Variants in HPSE2 observed in about 807,000 individuals in gnomAD.
HPSE2 encodes the protein inactive heparanase-2.
Under a neutral mutation model 60.5 loss-of-function variants are expected in HPSE2, and 38 were observed. The ratio of observed to expected loss-of-function variants is 0.63; its 90% CI spans 0.48 to 0.82. HPSE2 has a LOEUF of 0.82. HPSE2 is among the 40% of genes least tolerant of loss of function. The pLI is 0.00. For missense variants in HPSE2, 713 were observed against 740.4 expected, an observed-to-expected ratio of 0.96 and a Z score of 0.43; for synonymous variants, 295 against 293.2, an observed-to-expected ratio of 1.01 and a Z score of -0.06.
chr10:98,929,019 T>TAAAC (rs1425343217), intron 3 of HPSE2, among the ~76,000 whole-genome samples: 1 of 141,892 alleles, frequency 7.0e-6, no homozygotes, highest in Non-Finnish European at 1.5e-5. Flanking sequence ...AATAAATAAA[T>TAAAC]ATTTTTTAGT....
intron 2 of HPSE2, among the ~76,000 whole-genome samples, chr10:99,153,344 A>G (rs1437757146): frequency 2.6e-5 from 4 of 152,214 alleles, no homozygotes; most frequent in Admixed American, 6.5e-5. Flanking sequence ...GCAGACTTAA[A>G]TGTCCCTGTC....
At position 98,750,544 on chromosome 10, in the gene HPSE2, G is replaced by A. The variant is rs79989610; in HGVS notation, c.611-6488C>T. ...GCAATAATTGAAGCAAGGGATCATT[G>A]TGGCTTGGACCAGGGTGGTAGCAGC... On this transcript the variant is annotated intron_variant, in intron 3 of 11. Coordinates refer to ENST00000370552, the MANE Select transcript of HPSE2 (RefSeq NM_021828.5). Among the ~76,000 whole-genome samples the A allele has an allele frequency of 4.2e-4, 64 of 152,300 alleles. No individual in the cohort carries two copies. In the East Asian group the frequency reaches 0.011, roughly 25 times the overall value.
At chr10:98,528,467 A>T (rs1943035799) in intron 9 of HPSE2, among the ~76,000 whole-genome samples, 1 of 152,204 alleles carries the variant, frequency 6.6e-6, no homozygotes. Context: ...TACAAAAAAA[A>T]AGCAGGAGAG....
chr10:98,883,868 A>G (rs1366566265), intron 3 of HPSE2, among the ~76,000 whole-genome samples: 3 of 152,144 alleles, frequency 2.0e-5, no homozygotes, highest in Non-Finnish European at 4.4e-5. Flanking sequence ...TGAAAGAGTC[A>G]CATGTTTCTC....
intron 3 of HPSE2, among the ~76,000 whole-genome samples, chr10:98,888,281 C>T (rs1207634960): frequency 6.6e-6 from 1 of 151,980 alleles, no homozygotes; most frequent in Non-Finnish European, 1.5e-5. Flanking sequence ...AATTTGATCA[C>T]TTACATTCTC....
chr10:98,793,311 G>A (rs565140417), intron 3 of HPSE2, among the ~76,000 whole-genome samples: 1 of 152,272 alleles, frequency 6.6e-6, no homozygotes, highest in Admixed American at 6.5e-5. Flanking sequence ...CTTTTTTGGG[G>A]TCATAGGCAC....
chr10:99,044,670 T>C (rs1220142427), intron 3 of HPSE2, among the ~76,000 whole-genome samples: 1 of 135,586 alleles, frequency 7.4e-6, no homozygotes, highest in Admixed American at 8.3e-5. Flanking sequence ...ACATTTACCA[T>C]GCAAACAGAA....
At chr10:98,846,178 G>T (rs1952029740) in intron 3 of HPSE2, among the ~76,000 whole-genome samples, 1 of 152,042 alleles carries the variant, frequency 6.6e-6, no homozygotes, top group Non-Finnish European at 1.5e-5. Context: ...AAATAAGCTG[G>T]ATCAAAAGCC....
At chr10:98,466,365 G>T (rs1489475157) in intron 11 of HPSE2, among the ~76,000 whole-genome samples, 1 of 152,148 alleles carries the variant, frequency 6.6e-6, no homozygotes, top group Non-Finnish European at 1.5e-5. Context: ...TGTAATCCCA[G>T]CACTTTGGGA....
intron 9 of HPSE2, among the ~76,000 whole-genome samples, chr10:98,605,923 CCTCT>C (rs1174779645): frequency 3.9e-5 from 6 of 152,220 alleles, no homozygotes; most frequent in African/African-American, 1.4e-4. Context: ...CTTCCACCAG[CCTCT>C]CTAATGGCTG....
chr10:99,301,998 T>C, the HPSE2 span, among the ~76,000 whole-genome samples: 1 of 151,852 alleles, frequency 6.6e-6, no homozygotes, highest in Non-Finnish European at 1.5e-5. Flanking sequence ...AACCACGGAA[T>C]AGATCTACTC....
intron 3 of HPSE2, among the ~76,000 whole-genome samples, chr10:98,875,158 G>A (rs1421108398): frequency 1.3e-5 from 2 of 151,986 alleles, no homozygotes; most frequent in African/African-American, 4.8e-5. Context: ...GCTGTCAGAA[G>A]ACAAGAAATA....
chr10:99,149,867 T>C (rs1846194115), intron 2 of HPSE2, among the ~76,000 whole-genome samples: 1 of 152,014 alleles, frequency 6.6e-6, no homozygotes, highest in Non-Finnish European at 1.5e-5. Context: ...ATGCTTGTTT[T>C]TTTTTTTTCT....
chr10:99,244,645 G>C, the HPSE2 span, among the ~76,000 whole-genome samples: 38 of 135,014 alleles, frequency 2.8e-4, no homozygotes, highest in South Asian at 4.7e-4. Flanking sequence ...TCTTGGGCTA[G>C]AGCAATCCTC....
intron 6 of HPSE2, among the ~76,000 whole-genome samples, chr10:98,686,350 A>T (rs186406637): frequency 3.9e-5 from 6 of 152,302 alleles, no homozygotes; most frequent in East Asian, 1.9e-4. Flanking sequence ...TATTTTCATA[A>T]TCATTTCAAA....
intron 3 of HPSE2, among the ~76,000 whole-genome samples, chr10:98,748,680 C>T (rs992939770): frequency 7.9e-5 from 12 of 152,104 alleles, no homozygotes; most frequent in Middle Eastern, 3.4e-3. Flanking sequence ...TTCTGAAGGG[C>T]AAAATGTAGA....
At chr10:99,158,588 C>T (rs1382908135) in intron 2 of HPSE2, among the ~76,000 whole-genome samples, 5 of 137,228 alleles carry the variant, frequency 3.6e-5, no homozygotes, top group Middle Eastern at 3.8e-3. Flanking sequence ...GACTATCACA[C>T]TCTGGGGACT....
At chr10:98,966,152 A>G (rs1955809609) in intron 3 of HPSE2, among the ~76,000 whole-genome samples, 1 of 152,116 alleles carries the variant, frequency 6.6e-6, no homozygotes, top group Admixed American at 6.5e-5. Flanking sequence ...CAGCCTCCCA[A>G]AGTGCTGGGC....
intron 3 of HPSE2, among the ~76,000 whole-genome samples, chr10:98,841,809 T>C (rs1291479791): frequency 1.6e-5 from 2 of 128,182 alleles, no homozygotes; most frequent in East Asian, 2.9e-4. Flanking sequence ...TTCCTTGTAA[T>C]TTTTTTTTTT....
Sources: gnomAD v4.1 joint callset for allele counts (sites outside exome capture counted in the v4.1 genomes callset) on GRCh38, gnomAD v4.1.1 for gene constraint, MANE v1.5 for transcripts, NCBI Gene and HGNC (gene_info 2026-07-23, HGNC 2026-07-21) for gene names.